The following PITPNM3 variants were observed in gnomAD, a reference collection of about 807,000 sequenced individuals.
The protein encoded by PITPNM3 is PITPNM family member 3.
PITPNM3 carries 26 observed loss-of-function variants against 102.0 expected under a neutral mutation model. The ratio of observed to expected loss-of-function variants is 0.25; its 90% CI spans 0.19 to 0.35. PITPNM3 has a LOEUF of 0.35. PITPNM3 is among the 10% of genes least tolerant of loss of function. PITPNM3 has a pLI of 1.00. For missense variants in PITPNM3, 1,083 were observed against 1,346.1 expected (o/e 0.80, Z 3.06); for synonymous variants, 578 against 558.6 (o/e 1.03, Z -0.49).
At chr17:6,461,074 C>T (rs555793825) in intron 18 of PITPNM3, 2 of 469,794 alleles carry the variant, frequency 4.3e-6, no homozygotes, top group African/African-American at 2.0e-5. Context: ...GGAACACAAT[C>T]GGCACTTAAA....
intron 3 of PITPNM3, among the ~76,000 whole-genome samples, chr17:6,510,442 ACCT>A (rs1292670336): frequency 2.6e-5 from 4 of 151,958 alleles, no homozygotes; most frequent in African/African-American, 9.7e-5. Context: ...CTCCAGCGCT[ACCT>A]CCTCTTTCAG....
intron 14 of PITPNM3, among the ~76,000 whole-genome samples, chr17:6,465,732 C>T (rs1904733779): frequency 6.6e-6 from 1 of 152,174 alleles, no homozygotes; most frequent in African/African-American, 2.4e-5. Context: ...CCCTATTTTT[C>T]TTCATTTATC....
intron 1 of PITPNM3, among the ~76,000 whole-genome samples, chr17:6,552,665 C>A (rs1397994549): frequency 6.6e-6 from 1 of 152,170 alleles, no homozygotes; most frequent in Non-Finnish European, 1.5e-5. Context: ...AGCAGTCCTC[C>A]CACACTTACA....
intron 1 of PITPNM3, among the ~76,000 whole-genome samples, chr17:6,542,074 T>C (rs1440946528): frequency 6.6e-6 from 1 of 152,172 alleles, no homozygotes. Flanking sequence ...CCTCTCTCCA[T>C]TGCCCGCTCT....
In PITPNM3 at chr17:6,468,032, G is replaced by A. The variant is rs1315955538; in HGVS notation, c.1890+193C>T. ...CAGGGCTCCTGTGGAACCAGGCCAT[G>A]GGAAGCAACTCACACACCCTTGCAG... is the stretch of plus-strand genomic sequence containing the variant. On this transcript the variant is annotated intron_variant, in intron 14 of 19. Coordinates refer to ENST00000262483, the MANE Select transcript of PITPNM3 (RefSeq NM_031220.4). The surrounding 1 kb of genome is among the most constrained non-coding windows in gnomAD (Gnocchi z 5.2). Among the ~76,000 whole-genome samples the A allele has an allele frequency of 2.0e-5, 3 of 152,200 alleles. No individual in the cohort carries two copies. Among genetic ancestry groups the A allele is most frequent in the East Asian group, 1.9e-4 (1 of 5,190 alleles).
chr17:6,455,137 C>A lies in PITPNM3; in HGVS notation c.*201G>T. On this transcript the variant is annotated 3_prime_UTR_variant, in exon 20 of 20. Coordinates refer to ENST00000262483, the MANE Select transcript of PITPNM3 (RefSeq NM_031220.4). ...GAGGCAGCAGTGGCTGCACCGAGAT[C>A]CCCGGACCTCACCCCGTCGCAGCTC... 1 of 646,104 alleles carries A rather than the reference C, an allele frequency of 1.5e-6. No homozygotes were observed. The highest frequency in any genetic ancestry group is 2.5e-6 in the Non-Finnish European group (1 of 399,344). 40.0% of individuals were successfully genotyped at this position (646,104 alleles called of 1,614,324 possible).
chr17:6,556,257 GC>G lies in PITPNM3; in HGVS notation c.22+127del. 5 of 697,018 alleles carry G rather than the reference GC, an allele frequency of 7.2e-6. No homozygotes were observed. Among genetic ancestry groups the G allele is most frequent in the South Asian group, 3.0e-5 (1 of 33,300 alleles). The allele number at this position is 697,018 out of a possible 1,614,324, so 43.2% of individuals were successfully genotyped here. Reference sequence around the variant, plus strand: ...GCGCGGGAGGTCCAGCCCCGCTACCGCCCCCTACGCCCTCCCGGGACCTCCG... The same window carrying G: ...GCGCGGGAGGTCCAGCCCCGCTACCGCCCCTACGCCCTCCCGGGACCTCCG... On this transcript the variant is annotated intron_variant, in intron 1 of 19. Coordinates refer to ENST00000262483, the MANE Select transcript of PITPNM3 (RefSeq NM_031220.4). This position sits in a 1 kb window ranked among gnomAD's most constrained non-coding sequence, Gnocchi z 5.2.
intron 1 of PITPNM3, among the ~76,000 whole-genome samples, chr17:6,551,724 G>T (rs1910310966): frequency 6.6e-6 from 1 of 151,812 alleles, no homozygotes; most frequent in Admixed American, 6.6e-5. Context: ...GAAAAAAAAA[G>T]TATTAAAAAA....
chr17:6,495,786 G>T (rs1227288262), intron 4 of PITPNM3, among the ~76,000 whole-genome samples: 1 of 134,486 alleles, frequency 7.4e-6, no homozygotes, highest in African/African-American at 2.5e-5. Flanking sequence ...TCCTTCACCA[G>T]CACAGCTGCA....
intron 3 of PITPNM3, among the ~76,000 whole-genome samples, chr17:6,523,369 C>T (rs901006174): frequency 2.9e-4 from 44 of 152,160 alleles, no homozygotes; most frequent in Non-Finnish European, 5.4e-4. Context: ...TTCCTGACCA[C>T]ACAGCCATGG....
chr17:6,536,474 G>GC (rs1382700907), intron 2 of PITPNM3, among the ~76,000 whole-genome samples: 5 of 152,186 alleles, frequency 3.3e-5, no homozygotes, highest in Non-Finnish European at 7.3e-5. Context: ...CTAATTAGAC[G>GC]CCCATGGGAG....
At chr17:6,518,842 A>T (rs1459366243) in intron 3 of PITPNM3, among the ~76,000 whole-genome samples, 1 of 152,188 alleles carries the variant, frequency 6.6e-6, no homozygotes, top group African/African-American at 2.4e-5. Flanking sequence ...TTTCAACTTG[A>T]TGAAGGGCAT....
At chr17:6,552,797 C>T (rs1168498545) in intron 1 of PITPNM3, among the ~76,000 whole-genome samples, 1 of 129,410 alleles carries the variant, frequency 7.7e-6, no homozygotes, top group African/African-American at 3.0e-5. Context: ...GACGGAGTCT[C>T]GCTCTGTAGC....
rs371139434 is a variant in PITPNM3, at chr17:6,471,248, G to A, written c.1537C>T (p.Arg513Cys). ...CCCTCGCTCATCCTCCGTCCTGGGCGCTGGAACCTCGAGGCCTGAGGGGGC... is the reference window on the plus strand; with the variant it reads ...CCCTCGCTCATCCTCCGTCCTGGGCACTGGAACCTCGAGGCCTGAGGGGGC... ...ASPPQASRFQRPGRRMSEGSS... is the reference protein window; with the variant it reads ...ASPPQASRFQCPGRRMSEGSS... Residue 513 changes from arginine to cysteine, a missense_variant, in exon 12 of 20, where the codon CGC (arginine) becomes TGC (cysteine). This residue lies in a region of PITPNM3 where 410 missense variants were observed against 638.4 expected (regional missense o/e 0.64). Transcript: ENST00000262483. 28 of 1,613,272 alleles carry A rather than the reference G, an allele frequency of 1.7e-5. No homozygotes were observed. The highest frequency in any genetic ancestry group is 2.2e-5 in the Non-Finnish European group (26 of 1,179,952).
chr17:6,551,485 C>T (rs972939972), intron 1 of PITPNM3, among the ~76,000 whole-genome samples: 5 of 152,162 alleles, frequency 3.3e-5, no homozygotes, highest in South Asian at 2.1e-4. Context: ...ATGCAATGCC[C>T]GTCCCAAGAT....
intron 2 of PITPNM3, among the ~76,000 whole-genome samples, chr17:6,534,474 G>A (rs1409757777): frequency 6.6e-6 from 1 of 152,222 alleles, no homozygotes; most frequent in South Asian, 2.1e-4. Context: ...CAGGCCAAAG[G>A]GTTGGGGCTG....
At chr17:6,498,390 G>A (rs16955897) in intron 4 of PITPNM3, among the ~76,000 whole-genome samples, 18,383 of 152,258 alleles carry the variant, frequency 0.12, 1,418 homozygotes, top group African/African-American at 0.22. Context: ...GAAAGTGGTC[G>A]GGTAAGGTTG....
chr17:6,513,070 CAA>C (rs111265571), intron 3 of PITPNM3, among the ~76,000 whole-genome samples: 5 of 129,816 alleles, frequency 3.9e-5, no homozygotes, highest in Admixed American at 7.9e-5. Flanking sequence ...TACATGTCTG[CAA>C]AAAAAAAAAA....
At chr17:6,464,857 G>A (rs575008412) in intron 14 of PITPNM3, 86 bp from the exon 15 acceptor site, 2 of 1,255,328 alleles carry the variant, frequency 1.6e-6, no homozygotes, top group Non-Finnish European at 2.3e-6. Context: ...AGACTGGCTG[G>A]AGGCATATCA....
Sources: gnomAD v4.1 joint callset for allele counts (sites outside exome capture counted in the v4.1 genomes callset) on GRCh38, gnomAD v4.1.1 for gene constraint, gnomAD v4.1.1 regional missense constraint, Gnocchi (gnomAD v3.1) non-coding constraint, MANE v1.5 for transcripts, NCBI Gene and HGNC (gene_info 2026-07-23, HGNC 2026-07-21) for gene names.